Variants in WWP1 observed in about 807,000 individuals in gnomAD.
WWP1 encodes the protein WW domain containing E3 ubiquitin protein ligase 1.
WWP1 carries 49 observed loss-of-function variants against 130.6 expected under a neutral mutation model. The observed-to-expected ratio is 0.38, with a 90% CI of 0.30 to 0.48. The LOEUF is 0.48. Ranked by LOEUF, WWP1 falls within the 20% of genes least tolerant of loss-of-function variation. WWP1 has a pLI of 0.99. For missense variants in WWP1, 809 were observed against 1,100.6 expected, an observed-to-expected ratio of 0.74 and a Z score of 3.75; for synonymous variants, 332 against 367.8, an observed-to-expected ratio of 0.90 and a Z score of 1.11.
At chr8:86,453,120 A>G (rs1433377100) in intron 21 of WWP1, among the ~76,000 whole-genome samples, 1 of 152,158 alleles carries the variant, frequency 6.6e-6, no homozygotes, top group Non-Finnish European at 1.5e-5. Context: ...AATGTTAAAT[A>G]TATTCACATT....
Position 86,368,716 on chromosome 8 carries a change from T to C in WWP1, c.-114-223T>C, listed in dbSNP as rs187228221. On this transcript the variant is annotated intron_variant, in intron 1 of 24. Transcript: ENST00000517970. The stretch of plus-strand genomic sequence containing the variant: ...ACTGTCCTTATGTTCCATTGTCCAC[T>C]ATGCAAGCAGTTCTCTGGATGTGCC... Among the ~76,000 whole-genome samples the C allele has an allele frequency of 1.1e-3, 161 of 152,266 alleles. 2 individuals are homozygous for C. The highest frequency in any genetic ancestry group is 1.6e-3 in the Non-Finnish European group (107 of 67,990).
chr8:86,376,120 T>C (rs1824634121), intron 3 of WWP1, among the ~76,000 whole-genome samples: 1 of 152,250 alleles, frequency 6.6e-6, no homozygotes, highest in South Asian at 2.1e-4. Context: ...ACCACTTACA[T>C]AATTCCTTCT....
At chr8:86,380,597 GTTTC>G (rs1374582593) in intron 3 of WWP1, 125 bp from the exon 4 acceptor site, 4 of 1,068,134 alleles carry the variant, frequency 3.7e-6, no homozygotes, top group African/African-American at 3.2e-5. Flanking sequence ...CTTTTGTATT[GTTTC>G]TTCATTCTGC....
chr8:86,423,248 A>C (rs1340022907), intron 9 of WWP1, among the ~76,000 whole-genome samples: 3 of 151,582 alleles, frequency 2.0e-5, no homozygotes, highest in Non-Finnish European at 4.4e-5. Flanking sequence ...TTTTTAATTG[A>C]TCATTCTTGG....
At chr8:86,345,157 A>G (rs1236861608) in intron 1 of WWP1, among the ~76,000 whole-genome samples, 1 of 152,212 alleles carries the variant, frequency 6.6e-6, no homozygotes, top group Non-Finnish European at 1.5e-5. Flanking sequence ...ATGAGAGGGC[A>G]AATGAAAGTA....
At chr8:86,458,666 GA>G (rs1319747290) in intron 22 of WWP1, among the ~76,000 whole-genome samples, 2 of 152,166 alleles carry the variant, frequency 1.3e-5, no homozygotes, top group East Asian at 3.9e-4. Context: ...GCAACTTAGT[GA>G]CTGGACTTCT....
chr8:86,416,661 T>TATCTAA (rs1450982522), intron 9 of WWP1, among the ~76,000 whole-genome samples: 1 of 152,048 alleles, frequency 6.6e-6, no homozygotes, highest in East Asian at 1.9e-4. Flanking sequence ...AGAGAGACCA[T>TATCTAA]ACCTAAACAC....
chr8:86,416,143 G>A (rs952703620), intron 9 of WWP1, among the ~76,000 whole-genome samples: 2 of 152,208 alleles, frequency 1.3e-5, no homozygotes, highest in Non-Finnish European at 2.9e-5. Context: ...ATGACAGAGT[G>A]TGGTTTCAGG....
chr8:86,360,315 C>G (rs1442152490), intron 1 of WWP1, among the ~76,000 whole-genome samples: 1 of 152,128 alleles, frequency 6.6e-6, no homozygotes, highest in African/African-American at 2.4e-5. Flanking sequence ...CTAAGGGCCT[C>G]GTAACTTTCA....
At chr8:86,464,304 A>G (rs1811919364) in intron 24 of WWP1, among the ~76,000 whole-genome samples, 1 of 152,258 alleles carries the variant, frequency 6.6e-6, no homozygotes, top group Middle Eastern at 3.4e-3. Context: ...TATGTTTTCT[A>G]TTACACCAGA....
At chr8:86,465,971 G>T (rs1046341384) in intron 24 of WWP1, among the ~76,000 whole-genome samples, 5 of 152,104 alleles carry the variant, frequency 3.3e-5, no homozygotes, top group Non-Finnish European at 7.4e-5. Flanking sequence ...GGTGACAGTG[G>T]TAAGAAGGCA....
At chr8:86,358,742 CAATT>C (rs1057057002) in intron 1 of WWP1, among the ~76,000 whole-genome samples, 4 of 151,966 alleles carry the variant, frequency 2.6e-5, no homozygotes, top group Non-Finnish European at 2.9e-5. Flanking sequence ...CTCCTGGGCT[CAATT>C]AATCCACCCA....
Position 86,373,901 on chromosome 8 carries a change from G to A in WWP1, c.-21-129G>A, listed in dbSNP as rs77703335. ...CTTTAGGGTTTTCTTTTAATGGGATGGTAATAGGCTTGATAATTTTCATGT... is the reference window on the plus strand; with the variant it reads ...CTTTAGGGTTTTCTTTTAATGGGATAGTAATAGGCTTGATAATTTTCATGT... On this transcript the variant is annotated intron_variant, in intron 2 of 24. Coordinates refer to ENST00000517970, the MANE Select transcript of WWP1 (RefSeq NM_007013.4). 5.6e-3 allele frequency: 3,446 copies of A among 614,606 alleles called. 52 individuals carry two copies. The highest frequency in any genetic ancestry group is 0.048 in the East Asian group (1,587 of 33,206). 38.1% of individuals were successfully genotyped at this position (614,606 alleles called of 1,614,324 possible). A position where few individuals can be genotyped will look rare whatever the true frequency, so the allele number is the denominator to read the frequency against.
Position 86,432,819 on chromosome 8 carries a change from GC to G in WWP1, c.1601+1077del, listed in dbSNP as rs1381189552. Reference sequence around the variant, plus strand: ...GATGGGGTTTCGCCATGTTGGCCAGGCTGGTCTCGGACTCCTGACCTCAGGC... The same window carrying G: ...GATGGGGTTTCGCCATGTTGGCCAGGTGGTCTCGGACTCCTGACCTCAGGC... On this transcript the variant is annotated intron_variant, in intron 14 of 24. Coordinates refer to ENST00000517970, the MANE Select transcript of WWP1 (RefSeq NM_007013.4). Among the ~76,000 whole-genome samples the G allele has an allele frequency of 2.6e-5, 4 of 152,228 alleles. No homozygotes were observed. In the East Asian group the frequency reaches 7.8e-4, roughly 30 times the overall value.
intron 10 of WWP1, among the ~76,000 whole-genome samples, chr8:86,426,347 T>C (rs980458928): frequency 6.6e-6 from 1 of 152,224 alleles, no homozygotes; most frequent in Non-Finnish European, 1.5e-5. Flanking sequence ...TGTGACCCCA[T>C]TGTATTTTTA....
intron 1 of WWP1, among the ~76,000 whole-genome samples, chr8:86,348,824 A>C (rs1351261652): frequency 6.6e-6 from 1 of 152,232 alleles, no homozygotes; most frequent in African/African-American, 2.4e-5. Context: ...CTGTGTAGCA[A>C]ACAGCCCTAA....
chr8:86,400,734 CA>C (rs1230240812), intron 7 of WWP1, among the ~76,000 whole-genome samples: 1 of 152,136 alleles, frequency 6.6e-6, no homozygotes, highest in Non-Finnish European at 1.5e-5. Context: ...GAAGACTGTT[CA>C]GTATGTTTTT....
chr8:86,356,616 C>A (rs1823274151), intron 1 of WWP1, among the ~76,000 whole-genome samples: 1 of 151,916 alleles, frequency 6.6e-6, no homozygotes, highest in South Asian at 2.1e-4. Flanking sequence ...AGTAACGATG[C>A]CAAAGAAAGC....
At chr8:86,458,407 A>C (rs1811572697) in intron 22 of WWP1, among the ~76,000 whole-genome samples, 1 of 152,218 alleles carries the variant, frequency 6.6e-6, no homozygotes, top group Non-Finnish European at 1.5e-5. Context: ...GTAATAACAT[A>C]CTAGGGAATA....
Sources: allele counts gnomAD v4.1 joint callset (sites outside exome capture counted in the v4.1 genomes callset), GRCh38; gene constraint gnomAD v4.1.1; transcripts MANE v1.5; gene names NCBI Gene and HGNC (gene_info 2026-07-23, HGNC 2026-07-21).